Variants in NOL4L observed in about 807,000 individuals in gnomAD.
NOL4L encodes nucleolar protein 4 like.
A neutral mutation model predicts 64.5 loss-of-function variants in NOL4L; 7 were observed. The observed-to-expected ratio is 0.11, with a 90% confidence interval of 0.06 to 0.20. The LOEUF (loss-of-function observed/expected upper bound fraction) is 0.20, where lower values mean the gene tolerates loss of function less well. Ranked by LOEUF, NOL4L falls within the 10% of genes least tolerant of loss-of-function variation. NOL4L has a pLI of 1.00. For synonymous variants in NOL4L, 413 were observed against 401.0 expected (o/e 1.03, Z -0.36); for missense variants, 680 against 967.1 (o/e 0.70, Z 3.94).
At chr20:32,474,379 C>G (rs939840444) in intron 5 of NOL4L, among the ~76,000 whole-genome samples, 1 of 152,274 alleles carries the variant, frequency 6.6e-6, no homozygotes, top group African/African-American at 2.4e-5. Context: ...GTCCTATGGG[C>G]TCTCTCCCTC....
At chr20:32,527,532 C>G (rs1427501953) in intron 2 of NOL4L, among the ~76,000 whole-genome samples, 2 of 152,168 alleles carry the variant, frequency 1.3e-5, no homozygotes, top group Non-Finnish European at 2.9e-5. Context: ...CCTCTCACCC[C>G]CTTCAACCTG....
At chr20:32,579,742 A>G (rs930342333) in intron 1 of NOL4L, among the ~76,000 whole-genome samples, 4 of 152,130 alleles carry the variant, frequency 2.6e-5, no homozygotes, top group African/African-American at 9.7e-5. Context: ...GCAGCCCCCC[A>G]GAGTTACCCA....
intron 1 of NOL4L, among the ~76,000 whole-genome samples, chr20:32,542,757 T>G (rs896236583): frequency 1.6e-4 from 25 of 152,178 alleles, no homozygotes; most frequent in African/African-American, 6.0e-4. Flanking sequence ...AAAGTTTTTG[T>G]GAAGATGAAA....
At chr20:32,473,353 C>T (rs572643419) in intron 5 of NOL4L, among the ~76,000 whole-genome samples, 11 of 152,262 alleles carry the variant, frequency 7.2e-5, no homozygotes, top group Admixed American at 6.5e-4. Context: ...CCCCAGAGCA[C>T]GTGGCTGCCC....
At chr20:32,452,771 T>G in intron 9 of NOL4L, 113 bp downstream of exon 9, 1 of 1,504,440 alleles carries the variant, frequency 6.6e-7, no homozygotes, top group Non-Finnish European at 9.0e-7. Context: ...CTGTTCCCCC[T>G]CTGCCCTTCT....
chr20:32,555,663 G>A (rs1449362928), intron 1 of NOL4L, among the ~76,000 whole-genome samples: 1 of 152,114 alleles, frequency 6.6e-6, no homozygotes, highest in Non-Finnish European at 1.5e-5. Context: ...CACTCTAATA[G>A]GAATGATGTC....
chr20:32,576,474 G>A (rs1183113331), intron 1 of NOL4L, among the ~76,000 whole-genome samples: 1 of 152,184 alleles, frequency 6.6e-6, no homozygotes, highest in East Asian at 1.9e-4. Context: ...GTACAGGAAG[G>A]GCAGCGAGGA....
At chr20:32,477,547 G>T (rs886457942) in intron 4 of NOL4L, among the ~76,000 whole-genome samples, 1 of 152,212 alleles carries the variant, frequency 6.6e-6, no homozygotes, top group African/African-American at 2.4e-5. Context: ...TCTGAATCCC[G>T]CACAAGGCAG....
intron 4 of NOL4L, among the ~76,000 whole-genome samples, chr20:32,481,311 A>C (rs184380450): frequency 6.6e-6 from 1 of 152,290 alleles, no homozygotes; most frequent in Non-Finnish European, 1.5e-5. Context: ...GGTTTCTTTA[A>C]AAGTGAAGCT....
At chr20:32,581,640 C>A (rs1409654160) in intron 1 of NOL4L, among the ~76,000 whole-genome samples, 1 of 152,176 alleles carries the variant, frequency 6.6e-6, no homozygotes, top group African/African-American at 2.4e-5. Flanking sequence ...ATCTTTCTAC[C>A]TGCTCTCTCT....
intron 10 of NOL4L, among the ~76,000 whole-genome samples, chr20:32,448,381 GC>G (rs1240434102): frequency 1.3e-5 from 2 of 152,192 alleles, no homozygotes; most frequent in African/African-American, 4.8e-5. Flanking sequence ...ACATCTGTGT[GC>G]CCAGACAAGA....
chr20:32,488,777 TCC>T (rs1303911623), intron 4 of NOL4L, among the ~76,000 whole-genome samples: 35 of 51,112 alleles, frequency 6.8e-4, no homozygotes, highest in African/African-American at 1.5e-3. Context: ...CTTCCTTCCT[TCC>T]TTCCTTCCTT....
At chr20:32,484,418 A>G (rs965276947) in intron 4 of NOL4L, among the ~76,000 whole-genome samples, 1 of 129,426 alleles carries the variant, frequency 7.7e-6, no homozygotes, top group Non-Finnish European at 1.6e-5. Flanking sequence ...CCCCTTCCCC[A>G]TCCGCACCGT....
intron 3 of NOL4L, among the ~76,000 whole-genome samples, chr20:32,515,121 G>C (rs1461834087): frequency 6.6e-6 from 1 of 152,142 alleles, no homozygotes; most frequent in Non-Finnish European, 1.5e-5. Context: ...GGCCAGGACA[G>C]CACCCTTGGG....
chr20:32,481,545 GTCTTCTCAGCTGGGAGGAAGGCC>G (rs2015713814), intron 4 of NOL4L, among the ~76,000 whole-genome samples: 1 of 152,192 alleles, frequency 6.6e-6, no homozygotes, highest in African/African-American at 2.4e-5. Flanking sequence ...GAGGAAGGCC[GTCTTCTCAGCTGGGAGGAAGGCC>G]GCAGTGAGCT....
rs1980796107 is a variant in NOL4L, at chr20:32,584,997, G to C, written c.-107C>G. On this transcript the variant is annotated 5_prime_UTR_variant, in exon 1 of 11. Coordinates refer to ENST00000621426, the MANE Select transcript of NOL4L (RefSeq NM_001256798.2). ...CCGGGCCGGGACGCGCCGCGGCCGC[G>C]TCTGTCCCGCGGTGTGGCTCCGGCG... The C allele has an allele frequency of 3.3e-6, 2 of 607,062 alleles. No homozygotes were observed. Among genetic ancestry groups the C allele is most frequent in the Non-Finnish European group, 4.1e-6 (2 of 485,242 alleles). The allele number at this position is 607,062 out of a possible 1,614,324, so 37.6% of individuals were successfully genotyped here.
In NOL4L at chr20:32,453,981, A is replaced by AG. The variant is rs2013208183; in HGVS notation, c.1120-221dup. 1 of 576,758 alleles carries AG rather than the reference A, an allele frequency of 1.7e-6. No individual in the cohort carries two copies. The allele number at this position is 576,758 out of a possible 1,614,324, so 35.7% of individuals were successfully genotyped here. A position where few individuals can be genotyped will look rare whatever the true frequency, so the allele number is the denominator to read the frequency against. The stretch of plus-strand genomic sequence containing the variant: ...ACCACCTCCCTCCCTGGGCTGCCGC[A>AG]GGGAGGACCGACTGCAATAGTGTAT... On this transcript the variant is annotated intron_variant, in intron 6 of 10. Transcript: ENST00000621426. The surrounding 1 kb of genome is among the most constrained non-coding windows in gnomAD (Gnocchi z 5.6).
At chr20:32,522,640 C>T (rs1331774189) in intron 2 of NOL4L, among the ~76,000 whole-genome samples, 1 of 152,182 alleles carries the variant, frequency 6.6e-6, no homozygotes, top group African/African-American at 2.4e-5. Flanking sequence ...GCCTGGAAGT[C>T]TGGGGGCACG....
At chr20:32,500,335 C>T (rs1430773216) in intron 4 of NOL4L, among the ~76,000 whole-genome samples, 1 of 151,392 alleles carries the variant, frequency 6.6e-6, no homozygotes, top group African/African-American at 2.4e-5. Flanking sequence ...TGGGTGTAAG[C>T]CACCATGCCC....
Sources: gnomAD v4.1 joint callset for allele counts (sites outside exome capture counted in the v4.1 genomes callset) on GRCh38, gnomAD v4.1.1 for gene constraint, Gnocchi (gnomAD v3.1) non-coding constraint, MANE v1.5 for transcripts, NCBI Gene and HGNC (gene_info 2026-07-23, HGNC 2026-07-21) for gene names.